Variants in DEAF1 observed in about 807,000 individuals in gnomAD.
The protein encoded by DEAF1 is deformed epidermal autoregulatory factor 1 homolog.
In DEAF1, 53 loss-of-function variants were observed where a neutral mutation model predicts 58.9. The observed-to-expected ratio is 0.90, with a 90% CI of 0.72 to 1.13. The LOEUF is 1.13. Among genes scored for constraint, DEAF1 ranks in the 50% most tolerant of loss-of-function variants. DEAF1 has a pLI of 0.00. For missense variants in DEAF1, 685 were observed against 791.4 expected (o/e 0.87, Z 1.61); for synonymous variants, 385 against 340.4 (o/e 1.13, Z -1.44).
In DEAF1 at chr11:673,282, T is replaced by G. The variant is rs139105870; in HGVS notation, c.1503+1254A>C. ...TGGCTCACATCTGCAATCCCAGTAC[T>G]TTAAGAGGCTGAGGCGGGTGGATCA... On this transcript the variant is annotated intron_variant, in intron 10 of 11. Transcript: ENST00000382409. Among the ~76,000 whole-genome samples, 449 of 152,328 alleles carry G rather than the reference T, an allele frequency of 2.9e-3. 4 individuals carry two copies. Among genetic ancestry groups the G allele is most frequent in the East Asian group, 8.9e-3 (46 of 5,188 alleles).
intron 2 of DEAF1, among the ~76,000 whole-genome samples, chr11:690,548 A>G (rs1056655999): frequency 2.0e-5 from 3 of 152,050 alleles, no homozygotes; most frequent in Non-Finnish European, 2.9e-5. Context: ...CAGGAGTTTG[A>G]GGCCAGCCTG....
At chr11:689,470 C>T (rs1159815042) in intron 2 of DEAF1, among the ~76,000 whole-genome samples, 1 of 152,086 alleles carries the variant, frequency 6.6e-6, no homozygotes, top group Non-Finnish European at 1.5e-5. Context: ...CTCGGCCTCC[C>T]AGAGTGCTGG....
At chr11:654,533 G>C in intron 10 of DEAF1, 1 of 455,372 alleles carries the variant, frequency 2.2e-6, no homozygotes, top group Non-Finnish European at 4.4e-6. Flanking sequence ...TCCAGAATCA[G>C]CTCTTTCCTG....
In DEAF1 at chr11:681,054, C is replaced by A; in HGVS notation, c.906G>T (p.Arg302Ser). 1 of 1,614,124 alleles carries A rather than the reference C, an allele frequency of 6.2e-7. No individual in the cohort carries two copies. The highest frequency in any genetic ancestry group is 8.5e-7 in the Non-Finnish European group (1 of 1,180,022). Reference protein sequence around the residue: ...GPVRLFVPYKRRKKENELPTT... With the variant: ...GPVRLFVPYKSRKKENELPTT... ...TGGGCAGTTCATTCTCCTTCTTGCG[C>A]CTTTTGTAAGGCACAAAAAGCCTGA... Residue 302 changes from arginine to serine, a missense_variant, in exon 7 of 12, where the codon AGG becomes AGT. This residue lies in a region of DEAF1 where 343 missense variants were observed against 379.8 expected (regional missense o/e 0.90). Coordinates refer to ENST00000382409, the MANE Select transcript of DEAF1 (RefSeq NM_021008.4).
chr11:658,305 T>C (rs1453071810), intron 10 of DEAF1, among the ~76,000 whole-genome samples: 1 of 152,090 alleles, frequency 6.6e-6, no homozygotes, highest in African/African-American at 2.4e-5. Flanking sequence ...GGCGGGTGCC[T>C]GTACTCCCGG....
chr11:689,413 G>A (rs890359233), intron 2 of DEAF1, among the ~76,000 whole-genome samples: 3 of 151,386 alleles, frequency 2.0e-5, no homozygotes, highest in African/African-American at 7.3e-5. Context: ...GGGTTTCACC[G>A]TGTTAGCCAG....
chr11:645,274 T>C (rs1483473495), intron 11 of DEAF1, among the ~76,000 whole-genome samples: 2 of 151,892 alleles, frequency 1.3e-5, no homozygotes, highest in Non-Finnish European at 2.9e-5. Flanking sequence ...AACATTTAAA[T>C]ATGTAAATAT....
intron 10 of DEAF1, among the ~76,000 whole-genome samples, chr11:659,522 G>A (rs1859217225): frequency 2.0e-5 from 3 of 152,336 alleles, no homozygotes; most frequent in Admixed American, 2.0e-4. Context: ...TATTCTTAGA[G>A]GATGTAATGC....
At chr11:696,395 G>A (rs971257073), upstream of DEAF1, among the ~76,000 whole-genome samples, 2 of 152,182 alleles carry the variant, frequency 1.3e-5, no homozygotes, top group African/African-American at 4.8e-5. Context: ...GTAATTAGGT[G>A]CATTGTTTTG....
chr11:687,786 G>C lies in DEAF1; in HGVS notation c.664+125C>G, dbSNP rs940123949. On this transcript the variant is annotated intron_variant, in intron 4 of 11. Transcript: ENST00000382409. ...GCTGGTATTACAGGCATCAGCCACC[G>C]CGCCCAGCCCTGTCTTCTTAACTAG... The C allele has an allele frequency of 2.3e-6, 3 of 1,325,648 alleles. No homozygotes were observed. The East Asian group carries it at 7.1e-5, about 31-fold the overall frequency. The allele number at this position is 1,325,648 out of a possible 1,614,324, so 82.1% of individuals were successfully genotyped here.
chr11:680,937 C>A, intron 7 of DEAF1, 26 bp downstream of exon 7: 1 of 1,614,118 alleles, frequency 6.2e-7, no homozygotes, highest in East Asian at 2.2e-5. Context: ...CCTCAGTAAA[C>A]TAGAGCTGTG....
At chr11:648,726 A>G (rs1858616020) in intron 11 of DEAF1, among the ~76,000 whole-genome samples, 1 of 152,188 alleles carries the variant, frequency 6.6e-6, no homozygotes, top group South Asian at 2.1e-4. Flanking sequence ...CTCCTACTGA[A>G]ACTGAGATAA....
intron 10 of DEAF1, among the ~76,000 whole-genome samples, chr11:656,895 G>A (rs565463482): frequency 9.8e-4 from 148 of 151,662 alleles, no homozygotes; most frequent in Non-Finnish European, 1.7e-3. Context: ...GAAAAATAAC[G>A]TTCTAGGAAG....
At chr11:649,824 G>A (rs746166338) in intron 11 of DEAF1, among the ~76,000 whole-genome samples, 23 of 152,034 alleles carry the variant, frequency 1.5e-4, no homozygotes, top group African/African-American at 4.3e-4. Context: ...TCAGGAGTTC[G>A]AGACCAGCCT....
chr11:678,670 A>G (rs374260881), intron 9 of DEAF1, 24 bp downstream of exon 9: 2 of 1,613,746 alleles, frequency 1.2e-6, no homozygotes, highest in African/African-American at 1.3e-5. Flanking sequence ...TAACCTGTAC[A>G]TGTGTGAATT....
intron 10 of DEAF1, among the ~76,000 whole-genome samples, chr11:660,224 A>G (rs1053887491): frequency 6.6e-6 from 1 of 152,262 alleles, no homozygotes; most frequent in African/African-American, 2.4e-5. Flanking sequence ...TGAGCCGCAC[A>G]CGTAAAGAGA....
At chr11:696,722 C>CAG (rs1861188690), upstream of DEAF1, among the ~76,000 whole-genome samples, 30 of 131,824 alleles carry the variant, frequency 2.3e-4, no homozygotes, top group South Asian at 5.1e-4. Flanking sequence ...GCCGTGATGG[C>CAG]GCCACTGCAC....
intron 1 of DEAF1, among the ~76,000 whole-genome samples, chr11:701,375 GTT>G (rs71464108): frequency 1.8e-4 from 23 of 124,324 alleles, no homozygotes; most frequent in South Asian, 8.2e-4. Context: ...GTTTTGTTTT[GTT>G]TTTTTTTGGT....
intron 10 of DEAF1, among the ~76,000 whole-genome samples, chr11:664,303 G>GT (rs1218803744): frequency 6.6e-6 from 1 of 152,028 alleles, no homozygotes; most frequent in East Asian, 1.9e-4. Flanking sequence ...GAAACCTACT[G>GT]TGTCTGGGCC....
Sources: allele counts gnomAD v4.1 joint callset (sites outside exome capture counted in the v4.1 genomes callset), GRCh38; gene constraint gnomAD v4.1.1; regional missense constraint gnomAD v4.1.1; transcripts MANE v1.5; gene names NCBI Gene and HGNC (gene_info 2026-07-23, HGNC 2026-07-21).